TMEM260: variants seen among roughly 807,000 people sequenced by gnomAD.
TMEM260 encodes protein O-mannosyl-transferase TMEM260.
A neutral mutation model predicts 88.9 loss-of-function variants in TMEM260; 82 were observed. The ratio of observed to expected loss-of-function variants is 0.92; its 90% CI spans 0.77 to 1.11. The LOEUF (loss-of-function observed/expected upper bound fraction) is 1.11, where lower values mean the gene tolerates loss of function less well. Among genes scored for constraint, TMEM260 ranks in the 50% least tolerant of loss-of-function variants. The pLI is 0.00. For missense variants in TMEM260, 902 were observed against 853.4 expected (o/e 1.06, Z -0.71); for synonymous variants, 314 against 309.3 (o/e 1.02, Z -0.16).
Position 56,647,699 on chromosome 14 carries a change from G to A in TMEM260, c.*202G>A, listed in dbSNP as rs749978178. 61 of 559,938 alleles carry A rather than the reference G, an allele frequency of 1.1e-4. No individual in the cohort carries two copies. Among genetic ancestry groups the A allele is most frequent in the African/African-American group, 4.9e-4 (25 of 51,076 alleles). 34.7% of individuals were successfully genotyped at this position (559,938 alleles called of 1,614,324 possible). On this transcript the variant is annotated 3_prime_UTR_variant, in exon 16 of 16. Transcript: ENST00000261556. ...ATTTATGCAAAATTCTGTTTATCCC[G>A]TGTTACCAAATTACCATTTCAGTGA...
rs1236504504 is a variant in TMEM260, at chr14:56,648,908, CT to C, written c.*1412del. The C allele has an allele frequency of 6.6e-6, 1 of 152,600 alleles. No individual in the cohort carries two copies. The highest frequency in any genetic ancestry group is 1.5e-5 in the Non-Finnish European group (1 of 68,052). The allele number at this position is 152,600 out of a possible 1,614,324, so 9.5% of individuals were successfully genotyped here. ...CAGGGCCTTGACTGCACAATTCGAGCTGAATTTGCCCCTTGTCAGCTGCCAG... is the reference window on the plus strand; with the variant it reads ...CAGGGCCTTGACTGCACAATTCGAGCGAATTTGCCCCTTGTCAGCTGCCAG... On this transcript the variant is annotated 3_prime_UTR_variant, in exon 16 of 16. Coordinates refer to ENST00000261556, the MANE Select transcript of TMEM260 (RefSeq NM_017799.4).
chr14:56,583,930 C>T (rs890900397), intron 1 of TMEM260, among the ~76,000 whole-genome samples: 1 of 151,834 alleles, frequency 6.6e-6, no homozygotes, highest in East Asian at 1.9e-4. Context: ...ATCTGAACTT[C>T]GTTCAGTAAG....
At chr14:56,615,158 C>T (rs1000963956) in intron 7 of TMEM260, among the ~76,000 whole-genome samples, 2 of 152,130 alleles carry the variant, frequency 1.3e-5, no homozygotes, top group Admixed American at 1.3e-4. Context: ...GATGAGTCTT[C>T]ATTAGTAAAA....
Position 56,625,441 on chromosome 14 carries a change from T to C in TMEM260, c.1458T>C (p.Phe486=), listed in dbSNP as rs376516154. ...CAAAGCACTTGCCAGGTGTCAACTT[T>C]CCTGGGAACCGGTGGAATCCTGTGG... ...KMAKHLPGVN[F]PGNRWNPVEG... The change falls in exon 12 of 16, where the codon TTT becomes TTC. Residue 486 remains phenylalanine, a synonymous_variant. Transcript: ENST00000261556. 16 of 1,613,910 alleles carry C rather than the reference T, an allele frequency of 9.9e-6. No individual in the cohort carries two copies. The highest frequency in any genetic ancestry group is 1.0e-5 in the Non-Finnish European group (12 of 1,179,948).
intron 12 of TMEM260, among the ~76,000 whole-genome samples, chr14:56,631,373 A>G (rs1440327633): frequency 2.0e-5 from 3 of 152,116 alleles, no homozygotes; most frequent in Non-Finnish European, 4.4e-5. Context: ...CTGTAATCCC[A>G]TCACTTTGGG....
downstream of TMEM260, among the ~76,000 whole-genome samples, chr14:56,654,943 C>G (rs1594913844): frequency 6.6e-6 from 1 of 151,662 alleles, no homozygotes; most frequent in South Asian, 2.1e-4. Context: ...AATGATTTCT[C>G]CCAAATTTGA....
chr14:56,608,915 A>C (rs1369919204), intron 5 of TMEM260, among the ~76,000 whole-genome samples, 191 bp from the exon 6 acceptor site: 3 of 152,222 alleles, frequency 2.0e-5, no homozygotes, highest in Non-Finnish European at 4.4e-5. Flanking sequence ...AAAGGAGTTC[A>C]GGCTGATGCA....
intron 6 of TMEM260, 59 bp downstream of exon 6, chr14:56,609,344 C>T: frequency 2.0e-6 from 3 of 1,482,278 alleles, no homozygotes; most frequent in Non-Finnish European, 2.8e-6. Flanking sequence ...AGTGCTCTGC[C>T]TGGGCCTTGA....
At chr14:56,626,122 C>A (rs973037804) in intron 12 of TMEM260, among the ~76,000 whole-genome samples, 3 of 152,004 alleles carry the variant, frequency 2.0e-5, no homozygotes, top group Non-Finnish European at 4.4e-5. Flanking sequence ...TTGAGATTGT[C>A]CAGAGCTTGA....
intron 5 of TMEM260, among the ~76,000 whole-genome samples, chr14:56,606,298 G>A (rs191561991): frequency 5.6e-4 from 86 of 152,282 alleles, no homozygotes; most frequent in African/African-American, 1.9e-3. Flanking sequence ...TAGGTACCCA[G>A]AGGTTAAAAT....
In TMEM260 at chr14:56,598,485, C is replaced by T. The variant is rs569152958; in HGVS notation, c.345-5330C>T. ...TTGTGAGGCTGATACTGAGCCTAGCCCTCACCCTGAAATGTGTCTTCATGA... is the reference window on the plus strand; with the variant it reads ...TTGTGAGGCTGATACTGAGCCTAGCTCTCACCCTGAAATGTGTCTTCATGA... On this transcript the variant is annotated intron_variant, in intron 3 of 15. Transcript: ENST00000261556. Among the ~76,000 whole-genome samples the T allele has an allele frequency of 1.3e-3, 203 of 152,194 alleles. 2 individuals are homozygous for T. The highest frequency in any genetic ancestry group is 2.0e-3 in the Non-Finnish European group (136 of 68,010).
chr14:56,582,778 T>G (rs1200614734), intron 1 of TMEM260, among the ~76,000 whole-genome samples: 2 of 152,210 alleles, frequency 1.3e-5, no homozygotes, highest in Non-Finnish European at 2.9e-5. Context: ...GTTTTTTTAC[T>G]ATTCCCTTCC....
At chr14:56,638,344 T>C (rs1165932961) in intron 15 of TMEM260, 1 of 152,100 alleles carries the variant, frequency 6.6e-6, no homozygotes, top group East Asian at 1.9e-4. Context: ...AAAAGGGCTT[T>C]AAACTTGAAA....
At chr14:56,632,462 C>T (rs1043349953) in intron 12 of TMEM260, among the ~76,000 whole-genome samples, 161 of 152,236 alleles carry the variant, frequency 1.1e-3, no homozygotes, top group African/African-American at 3.8e-3. Context: ...TTGCCTGGCA[C>T]CTGGGAAAGG....
At chr14:56,621,809 CTGTT>C (rs1271589983) in intron 11 of TMEM260, 107 bp downstream of exon 11, 1 of 878,428 alleles carries the variant, frequency 1.1e-6, no homozygotes, top group Non-Finnish European at 1.7e-6. Flanking sequence ...TTCATGATCA[CTGTT>C]AGGTAGAATA....
chr14:56,648,838 C>T lies in TMEM260; in HGVS notation c.*1341C>T, dbSNP rs1890118902. On this transcript the variant is annotated 3_prime_UTR_variant, in exon 16 of 16. Transcript: ENST00000261556. ...TGCCGAGGGCTTTTGAGTGAAATGC[C>T]AGTCATGAAGGTGCTTCAAGACAAG... 6.6e-6 allele frequency: 1 copy of T among 152,604 alleles called. No homozygotes were observed. The highest frequency in any genetic ancestry group is 2.4e-5 in the African/African-American group (1 of 41,434). The allele number at this position is 152,604 out of a possible 1,614,324, so 9.5% of individuals were successfully genotyped here. A position where few individuals can be genotyped will look rare whatever the true frequency, so the allele number is the denominator to read the frequency against.
intron 3 of TMEM260, among the ~76,000 whole-genome samples, chr14:56,587,158 T>G (rs1885557913): frequency 6.6e-6 from 1 of 151,872 alleles, no homozygotes; most frequent in Admixed American, 6.6e-5. Flanking sequence ...GGGAACTTCC[T>G]TGTTCTGTAT....
At position 56,618,749 on chromosome 14, in the gene TMEM260, A is replaced by G. The variant is rs1268219324; in HGVS notation, c.1212A>G (p.Ile404Met). 2.5e-6 allele frequency: 4 copies of G among 1,614,112 alleles called. No homozygotes were observed. Among genetic ancestry groups the G allele is most frequent in the Middle Eastern group, 1.7e-4 (1 of 6,056 alleles). ...LSATLFVVYQ[I>M]YSNYSVCDQR... ...CAACTCTTTTTGTAGTTTACCAAAT[A>G]TATTCTAATTACAGGTAATACATGG... Residue 404 changes from isoleucine (I) to methionine (M), a missense_variant, in exon 10 of 16, where the codon ATA becomes ATG. Physicochemically the swap from Ile to Met is conservative, Grantham distance 10. Coordinates refer to ENST00000261556, the MANE Select transcript of TMEM260 (RefSeq NM_017799.4).
Position 56,605,590 on chromosome 14 carries a change from C to T in TMEM260, c.543C>T (p.Phe181=), listed in dbSNP as rs1886845954. ...TTCAGGTAGCTAAAATTGGTGCTTTCTGCTGTGGCCTTAGTTTATGTAACC... is the reference window on the plus strand; with the variant it reads ...TTCAGGTAGCTAAAATTGGTGCTTTTTGCTGTGGCCTTAGTTTATGTAACC... The part of the protein sequence containing the change: ...ERSKVAKIGA[F]CCGLSLCNQH... The change falls in exon 5 of 16, where the codon TTC becomes TTT. Residue 181 remains phenylalanine, a synonymous_variant. Transcript: ENST00000261556. The T allele has an allele frequency of 2.6e-6, 4 of 1,539,582 alleles. No individual in the cohort carries two copies. In the East Asian group the frequency reaches 7.1e-5, roughly 27 times the overall value.
Sources: gnomAD v4.1 joint callset for allele counts (sites outside exome capture counted in the v4.1 genomes callset) on GRCh38, gnomAD v4.1.1 for gene constraint, MANE v1.5 for transcripts, NCBI Gene and HGNC (gene_info 2026-07-23, HGNC 2026-07-21) for gene names.